GABBR2: variants seen among roughly 807,000 people sequenced by gnomAD.
The protein encoded by GABBR2 is gamma-aminobutyric acid type B receptor subunit 2.
In GABBR2, 23 loss-of-function variants were observed where a neutral mutation model predicts 105.6. The observed-to-expected ratio is 0.22, with a 90% CI of 0.16 to 0.31. The LOEUF (loss-of-function observed/expected upper bound fraction) is 0.31. Among genes scored for constraint, GABBR2 ranks in the 10% least tolerant of loss-of-function variants. The pLI, the probability that GABBR2 is intolerant of heterozygous loss-of-function variation, is 1.00. For missense variants in GABBR2, 734 were observed against 1,245.5 expected (o/e 0.59, Z 6.18); for synonymous variants, 478 against 499.7 (o/e 0.96, Z 0.58).
rs1426361512 is a variant in GABBR2, at chr9:98,519,049, T to C, written c.631-22535A>G. Among the ~76,000 whole-genome samples the C allele has an allele frequency of 3.3e-5, 5 of 152,184 alleles. No homozygotes were observed. In the East Asian group the frequency reaches 9.7e-4, roughly 29 times the overall value. On this transcript the variant is annotated intron_variant, in intron 3 of 18. Coordinates refer to ENST00000259455, the MANE Select transcript of GABBR2 (RefSeq NM_005458.8). Reference sequence around the variant, plus strand: ...GGGAACAGGTATTTACTCTGTAGAGTCTGAATGGAATTTTCCAAAGGGGAC... The same window carrying C: ...GGGAACAGGTATTTACTCTGTAGAGCCTGAATGGAATTTTCCAAAGGGGAC...
chr9:98,416,303 G>A (rs1376952267), intron 7 of GABBR2, among the ~76,000 whole-genome samples: 1 of 152,234 alleles, frequency 6.6e-6, no homozygotes, highest in East Asian at 1.9e-4. Context: ...GCACAACTGG[G>A]TGATAATCTC....
At chr9:98,443,972 G>T (rs1826076934) in intron 7 of GABBR2, among the ~76,000 whole-genome samples, 1 of 152,196 alleles carries the variant, frequency 6.6e-6, no homozygotes, top group Non-Finnish European at 1.5e-5. Flanking sequence ...AATGAATGCT[G>T]GTTGAATTAA....
At chr9:98,374,047 C>A (rs12340940) in intron 11 of GABBR2, among the ~76,000 whole-genome samples, 2 of 151,704 alleles carry the variant, frequency 1.3e-5, no homozygotes, top group African/African-American at 4.8e-5. Context: ...TTAGTAGAGA[C>A]GAAATCTTGC....
At chr9:98,356,734 T>A (rs545327714) in intron 13 of GABBR2, among the ~76,000 whole-genome samples, 2 of 152,340 alleles carry the variant, frequency 1.3e-5, no homozygotes, top group South Asian at 4.1e-4. Flanking sequence ...GCCTTATGTA[T>A]AATTGCCAAA....
intron 1 of GABBR2, among the ~76,000 whole-genome samples, chr9:98,671,792 T>C (rs1315577146): frequency 1.3e-5 from 2 of 152,150 alleles, no homozygotes; most frequent in South Asian, 2.1e-4. Context: ...CAGTTCACTC[T>C]GGATAAAGAA....
intron 1 of GABBR2, among the ~76,000 whole-genome samples, chr9:98,702,081 A>G (rs1300044066): frequency 2.6e-5 from 4 of 152,088 alleles, no homozygotes. Context: ...GAAGAAACCG[A>G]GGCAAACAGA....
At chr9:98,462,373 A>C (rs1272229840) in intron 6 of GABBR2, among the ~76,000 whole-genome samples, 2 of 152,248 alleles carry the variant, frequency 1.3e-5, no homozygotes, top group Admixed American at 1.3e-4. Context: ...GCCACAGAAT[A>C]GGAGAAGATA....
chr9:98,494,859 T>G (rs1340245902), intron 4 of GABBR2, among the ~76,000 whole-genome samples: 2 of 152,248 alleles, frequency 1.3e-5, no homozygotes, highest in Admixed American at 1.3e-4. Context: ...TGCTCTGCTC[T>G]GCACACAAAG....
intron 1 of GABBR2, among the ~76,000 whole-genome samples, chr9:98,673,659 T>C (rs1830434483): frequency 6.6e-6 from 1 of 152,020 alleles, no homozygotes; most frequent in African/African-American, 2.4e-5. Flanking sequence ...AAAACACTTT[T>C]GGTGTTTAAA....
chr9:98,323,748 C>G (rs952433194), intron 13 of GABBR2, among the ~76,000 whole-genome samples: 1 of 152,206 alleles, frequency 6.6e-6, no homozygotes, highest in South Asian at 2.1e-4. Flanking sequence ...TGTCTCTCAT[C>G]ACCTTCTCAC....
At chr9:98,508,440 G>A (rs1027205722) in intron 3 of GABBR2, among the ~76,000 whole-genome samples, 9 of 152,260 alleles carry the variant, frequency 5.9e-5, no homozygotes, top group Non-Finnish European at 1.3e-4. Context: ...GCAGCGCACC[G>A]TGCGCGAGCC....
chr9:98,464,127 G>C (rs536467757), intron 6 of GABBR2, among the ~76,000 whole-genome samples: 75 of 152,070 alleles, frequency 4.9e-4, no homozygotes, highest in African/African-American at 1.7e-3. Context: ...CCTCTGCCCG[G>C]CCGCCCCGTC....
chr9:98,436,347 CCATATATATATATATATATATATATATAT>C (rs1564068187), intron 7 of GABBR2, among the ~76,000 whole-genome samples: 1,052 of 31,628 alleles, frequency 0.033, 185 homozygotes, highest in African/African-American at 0.18. Flanking sequence ...CACACACACA[CCATATATATATATATATATATATATATAT>C]ATATATATAT....
At chr9:98,684,617 C>A in intron 1 of GABBR2, among the ~76,000 whole-genome samples, 1 of 152,142 alleles carries the variant, frequency 6.6e-6, no homozygotes, top group East Asian at 1.9e-4. Context: ...TGATATCTAT[C>A]AATTCCTTGG....
chr9:98,481,550 C>T (rs1310257731), intron 4 of GABBR2, among the ~76,000 whole-genome samples: 2 of 152,124 alleles, frequency 1.3e-5, no homozygotes, highest in African/African-American at 2.4e-5. Context: ...CAGAGCTTCC[C>T]AATTAAGAGG....
intron 1 of GABBR2, among the ~76,000 whole-genome samples, chr9:98,605,026 C>T (rs7026754): frequency 0.43 from 65,847 of 152,140 alleles, 14,445 homozygotes; most frequent in Middle Eastern, 0.56. Flanking sequence ...TGGTCTCCCA[C>T]CCACATCACC....
chr9:98,565,407 G>T lies in GABBR2; in HGVS notation c.459+12528C>A, dbSNP rs538387148. ...CATGCAGAGGCCCAAGAGGGACGAT[G>T]CCAGGCTTAAGGCAGGCACTGATGG... On this transcript the variant is annotated intron_variant, in intron 2 of 18. Coordinates refer to ENST00000259455, the MANE Select transcript of GABBR2 (RefSeq NM_005458.8). 1.8e-4 allele frequency among the ~76,000 whole-genome samples: 28 copies of T among 152,286 alleles called. No individual in the cohort carries two copies. In the East Asian group the frequency reaches 5.4e-3, roughly 29 times the overall value.
At chr9:98,434,845 G>T (rs1825872862) in intron 7 of GABBR2, among the ~76,000 whole-genome samples, 1 of 152,236 alleles carries the variant, frequency 6.6e-6, no homozygotes, top group South Asian at 2.1e-4. Context: ...AGGACAGTTT[G>T]TGAGGACCCT....
chr9:98,359,786 G>A (rs1284023065), intron 13 of GABBR2, among the ~76,000 whole-genome samples: 1 of 152,230 alleles, frequency 6.6e-6, no homozygotes, highest in Non-Finnish European at 1.5e-5. Context: ...TGCTTGCTGG[G>A]TGGGCTGTGT....
Sources: gnomAD v4.1 joint callset for allele counts (sites outside exome capture counted in the v4.1 genomes callset) on GRCh38, gnomAD v4.1.1 for gene constraint, MANE v1.5 for transcripts, NCBI Gene and HGNC (gene_info 2026-07-23, HGNC 2026-07-21) for gene names.